PEAK1: variants seen among roughly 807,000 people sequenced by gnomAD.
PEAK1 encodes the protein inactive tyrosine-protein kinase PEAK1.
A neutral mutation model predicts 124.7 loss-of-function variants in PEAK1; 54 were observed. The ratio of observed to expected loss-of-function variants is 0.43; its 90% CI spans 0.35 to 0.54. The LOEUF (loss-of-function observed/expected upper bound fraction) is 0.54. Among genes scored for constraint, PEAK1 ranks in the 20% least tolerant of loss-of-function variants. PEAK1 has a pLI of 0.01. For synonymous variants in PEAK1, 719 were observed against 760.0 expected, an observed-to-expected ratio of 0.95 and a Z score of 0.89; for missense variants, 2,046 against 2,134.5, an observed-to-expected ratio of 0.96 and a Z score of 0.82.
chr15:77,140,001 C>A (rs907331672), intron 8 of PEAK1, among the ~76,000 whole-genome samples: 1 of 151,980 alleles, frequency 6.6e-6, no homozygotes, highest in East Asian at 1.9e-4. Flanking sequence ...TCAACAATAA[C>A]AACTTCTTGA....
intron 9 of PEAK1, among the ~76,000 whole-genome samples, chr15:77,122,725 G>A (rs765943486): frequency 1.6e-4 from 25 of 152,172 alleles, no homozygotes; most frequent in Non-Finnish European, 3.2e-4. Context: ...GGATGGCCAT[G>A]AGTATGTGTA....
chr15:77,262,198 C>G (rs2061477388), intron 5 of PEAK1, among the ~76,000 whole-genome samples: 1 of 152,138 alleles, frequency 6.6e-6, no homozygotes, highest in Non-Finnish European at 1.5e-5. Context: ...GAAATTGCAT[C>G]AACTAACGAG....
chr15:77,358,293 A>C (rs1036191716), intron 2 of PEAK1, among the ~76,000 whole-genome samples: 21 of 151,938 alleles, frequency 1.4e-4, no homozygotes, highest in African/African-American at 4.8e-4. Context: ...AGCACCCTAA[A>C]CTCATTCCTT....
chr15:77,188,723 A>G (rs1217508257), intron 6 of PEAK1, among the ~76,000 whole-genome samples: 1 of 152,126 alleles, frequency 6.6e-6, no homozygotes, highest in Non-Finnish European at 1.5e-5. Flanking sequence ...AGTTTTGCCT[A>G]ACTCGATTAT....
intron 2 of PEAK1, among the ~76,000 whole-genome samples, chr15:77,345,070 G>T (rs923962134): frequency 6.6e-6 from 1 of 151,692 alleles, no homozygotes; most frequent in Non-Finnish European, 1.5e-5. Context: ...CTTCCAATAC[G>T]ATGGTGAATA....
intron 6 of PEAK1, among the ~76,000 whole-genome samples, chr15:77,246,456 T>G (rs2060593283): frequency 1.3e-5 from 2 of 151,638 alleles, no homozygotes; most frequent in South Asian, 4.2e-4. Flanking sequence ...CCCAGGAGGT[T>G]GAGGCTACAG....
At chr15:77,233,374 A>T (rs1016503077) in intron 6 of PEAK1, among the ~76,000 whole-genome samples, 2 of 152,158 alleles carry the variant, frequency 1.3e-5, no homozygotes, top group African/African-American at 4.8e-5. Flanking sequence ...CACCTTATCA[A>T]ACCTTTTATT....
intron 6 of PEAK1, among the ~76,000 whole-genome samples, chr15:77,228,668 A>C (rs934230201): frequency 3.3e-5 from 5 of 152,064 alleles, no homozygotes; most frequent in Non-Finnish European, 7.4e-5. Flanking sequence ...GGCTTTTGAT[A>C]CTTGTCTTTT....
chr15:77,372,086 T>G (rs963957075), intron 1 of PEAK1, among the ~76,000 whole-genome samples: 1 of 152,132 alleles, frequency 6.6e-6, no homozygotes, highest in African/African-American at 2.4e-5. Context: ...AAGCAGAACT[T>G]AGAAAGCCTG....
chr15:77,215,656 T>A (rs948103422), intron 6 of PEAK1, among the ~76,000 whole-genome samples: 4 of 152,222 alleles, frequency 2.6e-5, no homozygotes, highest in African/African-American at 9.6e-5. Context: ...GTTGGTTGAA[T>A]CTACAGATGC....
At chr15:77,359,972 C>T (rs913325181) in intron 2 of PEAK1, among the ~76,000 whole-genome samples, 1 of 152,154 alleles carries the variant, frequency 6.6e-6, no homozygotes, top group African/African-American at 2.4e-5. Context: ...AGAGCCAAAA[C>T]AATCTTGAAT....
At chr15:77,116,499 G>A (rs1195931277) in intron 9 of PEAK1, among the ~76,000 whole-genome samples, 1 of 151,750 alleles carries the variant, frequency 6.6e-6, no homozygotes, top group Non-Finnish European at 1.5e-5. Flanking sequence ...ACATTCTTAG[G>A]AAGATTCAGA....
chr15:77,132,985 G>A lies in PEAK1; in HGVS notation c.4077+20C>T, dbSNP rs754756456. ...ATGTAGTGGTTAAGACTTAACATGA[G>A]ATTTATAATATTTTCTTACCTTGAC... On this transcript the variant is annotated intron_variant, in intron 9 of 9. Transcript: ENST00000682557. The A allele has an allele frequency of 1.9e-6, 3 of 1,589,456 alleles. No individual in the cohort carries two copies. Among genetic ancestry groups the A allele is most frequent in the South Asian group, 2.3e-5 (2 of 88,756 alleles).
chr15:77,131,695 T>C (rs1052050349), intron 9 of PEAK1, among the ~76,000 whole-genome samples: 1 of 152,232 alleles, frequency 6.6e-6, no homozygotes, highest in Admixed American at 6.5e-5. Context: ...TAAACATTAG[T>C]TATCCTCCTC....
chr15:77,237,216 A>C (rs1370253327), intron 6 of PEAK1, among the ~76,000 whole-genome samples: 1 of 152,172 alleles, frequency 6.6e-6, no homozygotes, highest in Non-Finnish European at 1.5e-5. Context: ...AAATCCTAAA[A>C]TATTTCTACA....
At chr15:77,284,069 C>G in intron 4 of PEAK1, 39 bp from the exon 5 acceptor site, 1 of 980,878 alleles carries the variant, frequency 1.0e-6, no homozygotes, top group Non-Finnish European at 1.2e-6. Context: ...TTGAGAGTCA[C>G]AGAGTCACTT....
chr15:77,156,854 A>G (rs1239297713), intron 8 of PEAK1: 2 of 152,226 alleles, frequency 1.3e-5, no homozygotes, highest in East Asian at 1.9e-4. Flanking sequence ...TTCATTTTAT[A>G]ATATGCCTCA....
At chr15:77,278,782 G>T in intron 5 of PEAK1, 1 of 369,008 alleles carries the variant, frequency 2.7e-6, no homozygotes, top group South Asian at 2.4e-5. Flanking sequence ...TGACTATACA[G>T]TTTGAAATAC....
chr15:77,382,466 GTTC>G (rs1445856859), intron 1 of PEAK1, among the ~76,000 whole-genome samples: 1 of 152,094 alleles, frequency 6.6e-6, no homozygotes, highest in Non-Finnish European at 1.5e-5. Flanking sequence ...TGAGGCTCGA[GTTC>G]TTCTCTTAGA....
Sources: gnomAD v4.1 joint callset for allele counts (sites outside exome capture counted in the v4.1 genomes callset) on GRCh38, gnomAD v4.1.1 for gene constraint, MANE v1.5 for transcripts, NCBI Gene and HGNC (gene_info 2026-07-23, HGNC 2026-07-21) for gene names.